GRM7: variants seen among roughly 807,000 people sequenced by gnomAD.
GRM7 encodes metabotropic glutamate receptor 7.
In GRM7, 35 loss-of-function variants were observed where a neutral mutation model predicts 84.5. That is an observed-to-expected ratio of 0.41 (90% CI 0.32 to 0.55). The LOEUF is 0.55. Among genes scored for constraint, GRM7 ranks in the 20% least tolerant of loss-of-function variants. The pLI is 0.19. For missense variants in GRM7, 1,003 were observed against 1,194.6 expected, an observed-to-expected ratio of 0.84 and a Z score of 2.36; for synonymous variants, 487 against 455.1, an observed-to-expected ratio of 1.07 and a Z score of -0.89.
At chr3:7,313,130 T>C (rs368036148) in intron 4 of GRM7, among the ~76,000 whole-genome samples, 66 of 152,022 alleles carry the variant, frequency 4.3e-4, no homozygotes, top group African/African-American at 1.5e-3. Context: ...GGTTTCACCA[T>C]GTTGGTCAGG....
At chr3:7,276,528 T>G (rs543698555) in intron 2 of GRM7, among the ~76,000 whole-genome samples, 1 of 152,044 alleles carries the variant, frequency 6.6e-6, no homozygotes, top group South Asian at 2.1e-4. Flanking sequence ...TTTAGTACTA[T>G]AGCATGCTTC....
At chr3:7,182,904 T>TTG (rs1553628166) in intron 2 of GRM7, among the ~76,000 whole-genome samples, 6 of 150,406 alleles carry the variant, frequency 4.0e-5, no homozygotes, top group Non-Finnish European at 9.0e-5. Flanking sequence ...GTGTTTTTTT[T>TTG]TTTTTTTTTT....
intron 7 of GRM7, among the ~76,000 whole-genome samples, chr3:7,568,445 A>G (rs945415826): frequency 6.6e-6 from 1 of 152,236 alleles, no homozygotes; most frequent in Admixed American, 6.5e-5. Context: ...CAGCGTGCTG[A>G]CAGCCCTCAC....
intron 4 of GRM7, among the ~76,000 whole-genome samples, chr3:7,312,573 C>G (rs977527288): frequency 6.6e-6 from 1 of 152,146 alleles, no homozygotes; most frequent in East Asian, 1.9e-4. Context: ...TCATTTGTGA[C>G]TGATGTTCTT....
chr3:7,591,430 G>A (rs1695776909), intron 8 of GRM7: 1 of 443,138 alleles, frequency 2.3e-6, no homozygotes, highest in Admixed American at 2.5e-5. Flanking sequence ...ACAAATGAAT[G>A]TCCAAAGTGA....
chr3:6,993,709 G>T (rs977699888), intron 1 of GRM7, among the ~76,000 whole-genome samples: 2 of 152,174 alleles, frequency 1.3e-5, no homozygotes, highest in Non-Finnish European at 2.9e-5. Context: ...CAACTATGTT[G>T]GTCTGAAAAG....
intron 2 of GRM7, among the ~76,000 whole-genome samples, chr3:7,239,854 G>T (rs981963974): frequency 6.6e-6 from 1 of 152,108 alleles, no homozygotes; most frequent in African/African-American, 2.4e-5. Flanking sequence ...AGTTAGTTCT[G>T]CCCTTCTCCT....
intron 4 of GRM7, among the ~76,000 whole-genome samples, chr3:7,376,096 C>T (rs578077148): frequency 4.9e-4 from 75 of 152,202 alleles, no homozygotes; most frequent in African/African-American, 1.6e-3. Flanking sequence ...AAAGTACTCC[C>T]GAGATATAAA....
intron 2 of GRM7, among the ~76,000 whole-genome samples, chr3:7,240,511 A>G (rs1297563041): frequency 1.3e-5 from 2 of 152,186 alleles, no homozygotes; most frequent in African/African-American, 2.4e-5. Flanking sequence ...TTATACAACT[A>G]CTAAGATATG....
intron 1 of GRM7, among the ~76,000 whole-genome samples, chr3:6,961,203 G>T (rs1179868778): frequency 6.6e-6 from 1 of 152,102 alleles, no homozygotes; most frequent in Non-Finnish European, 1.5e-5. Context: ...TCAATCACTA[G>T]CATCTTGTGT....
At chr3:6,974,565 C>A (rs528879273) in intron 1 of GRM7, among the ~76,000 whole-genome samples, 2 of 152,156 alleles carry the variant, frequency 1.3e-5, no homozygotes, top group South Asian at 4.1e-4. Context: ...TGAAGAGGAG[C>A]CTCTTGTGAG....
At chr3:7,639,816 A>C (rs1358330703) in intron 8 of GRM7, among the ~76,000 whole-genome samples, 2 of 152,170 alleles carry the variant, frequency 1.3e-5, no homozygotes, top group Admixed American at 6.5e-5. Context: ...ACAACAAGAT[A>C]TAGATTTCCA....
At chr3:6,891,133 C>T (rs900405323) in intron 1 of GRM7, among the ~76,000 whole-genome samples, 18 of 152,196 alleles carry the variant, frequency 1.2e-4, no homozygotes, top group East Asian at 1.9e-4. Context: ...TGTCTCTGCA[C>T]GTGAGATGGG....
chr3:7,158,582 G>T (rs1220872990), intron 2 of GRM7, among the ~76,000 whole-genome samples: 1 of 152,046 alleles, frequency 6.6e-6, no homozygotes, highest in Non-Finnish European at 1.5e-5. Context: ...GAAAGATTAT[G>T]CACTCCTTCA....
At chr3:7,133,833 A>G (rs1022413359) in intron 1 of GRM7, among the ~76,000 whole-genome samples, 1 of 152,012 alleles carries the variant, frequency 6.6e-6, no homozygotes, top group Non-Finnish European at 1.5e-5. Flanking sequence ...TAAAAATTAT[A>G]TTTCTCCTTT....
chr3:7,685,146 C>T (rs1352550670), intron 9 of GRM7, among the ~76,000 whole-genome samples: 2 of 152,120 alleles, frequency 1.3e-5, no homozygotes, highest in African/African-American at 4.8e-5. Flanking sequence ...CCATGACGAT[C>T]CTTTTCAAGT....
chr3:7,503,208 A>G (rs904385923), intron 7 of GRM7, among the ~76,000 whole-genome samples: 23 of 152,198 alleles, frequency 1.5e-4, no homozygotes, highest in Admixed American at 1.3e-4. Flanking sequence ...AAGGATTTCA[A>G]AATTTATTGA....
chr3:7,446,464 G>GTTTT (rs370257829), intron 5 of GRM7, among the ~76,000 whole-genome samples: 1 of 130,570 alleles, frequency 7.7e-6, no homozygotes, highest in African/African-American at 3.0e-5. Flanking sequence ...TTTTTTTTTT[G>GTTTT]TTTTTTTTTT....
intron 1 of GRM7, among the ~76,000 whole-genome samples, chr3:7,006,217 C>A (rs1486577481): frequency 1.3e-5 from 2 of 152,114 alleles, no homozygotes; most frequent in Admixed American, 1.3e-4. Flanking sequence ...ATATCATAGC[C>A]TTATCATTTT....
Sources: gnomAD v4.1 joint callset for allele counts (sites outside exome capture counted in the v4.1 genomes callset) on GRCh38, gnomAD v4.1.1 for gene constraint, MANE v1.5 for transcripts, NCBI Gene and HGNC (gene_info 2026-07-23, HGNC 2026-07-21) for gene names.